The following GALNS variants were observed in gnomAD, a reference collection of about 807,000 sequenced individuals.
GALNS encodes N-acetylgalactosamine-6-sulfatase.
GALNS carries 65 observed loss-of-function variants against 65.9 expected under a neutral mutation model. The ratio of observed to expected loss-of-function variants is 0.99; its 90% CI spans 0.81 to 1.21. The LOEUF (loss-of-function observed/expected upper bound fraction) is 1.21. Ranked by LOEUF, GALNS falls within the 50% of genes most tolerant of loss-of-function variation. The pLI is 0.00. For synonymous variants in GALNS, 346 were observed against 288.9 expected (o/e 1.20, Z -2.00); for missense variants, 776 against 700.7 (o/e 1.11, Z -1.21).
intron 10 of GALNS, among the ~76,000 whole-genome samples, chr16:88,826,048 G>A (rs1910859551): frequency 6.6e-6 from 1 of 152,144 alleles, no homozygotes; most frequent in South Asian, 2.1e-4. Context: ...GCTGGGCCAT[G>A]GACTTGGCAG....
rs1483605375 is a variant in GALNS at position 88,825,331 on chromosome 16, C to T, written c.1140-462G>A. ...CGGGGCGACTGGGTATCTGGGGTGC[C>T]TGGGTGTCTGGGGCTGGGGTGTCTG... On this transcript the variant is annotated intron_variant, in intron 10 of 13. Transcript: ENST00000268695. Among the ~76,000 whole-genome samples, 9 of 107,606 alleles carry T rather than the reference C, an allele frequency of 8.4e-5. No homozygotes were observed. The South Asian group carries it at 1.8e-3, about 21-fold the overall frequency. The allele number at this position is 107,606 out of a possible 152,430, so 70.6% of individuals were successfully genotyped here.
chr16:88,835,820 T>C lies in GALNS; in HGVS notation c.663A>G (p.Ala221=). 1 of 1,614,136 alleles carries C rather than the reference T, an allele frequency of 6.2e-7. No individual in the cohort carries two copies. The highest frequency in any genetic ancestry group is 8.5e-7 in the Non-Finnish European group (1 of 1,180,018). The change falls in exon 7 of 14, where the codon GCA becomes GCG. Residue 221 remains alanine, a synonymous_variant. Coordinates refer to ENST00000268695, the MANE Select transcript of GALNS (RefSeq NM_000512.5). ...QEALDFIKRQ[A]RHHPFFLYWA... ...AGTAGAGGAAAAAGGGGTGGTGCCG[T>C]GCCTGTCTCTTAATGAAGTCCAGGG...
At chr16:88,837,535 T>G in intron 5 of GALNS, 87 bp downstream of exon 5, 18 of 1,413,784 alleles carry the variant, frequency 1.3e-5, no homozygotes, top group Non-Finnish European at 1.6e-5. Flanking sequence ...AGTGGCGACT[T>G]GAGCCCACCA....
chr16:88,816,733 C>T, intron 13 of GALNS: 1 of 985,484 alleles, frequency 1.0e-6, no homozygotes, highest in Non-Finnish European at 1.2e-6. Flanking sequence ...CTTCCCACGG[C>T]ACGGCGGGCA....
chr16:88,837,505 G>A (rs2143002229), intron 5 of GALNS, 117 bp downstream of exon 5: 4 of 1,091,418 alleles, frequency 3.7e-6, no homozygotes, highest in Non-Finnish European at 5.5e-6. Flanking sequence ...CGGGGACCCA[G>A]GGACAGACCA....
intron 1 of GALNS, among the ~76,000 whole-genome samples, chr16:88,852,040 G>A (rs1318122338): frequency 2.0e-5 from 3 of 152,202 alleles, no homozygotes; most frequent in Non-Finnish European, 1.5e-5. Flanking sequence ...CTCTGAGAAC[G>A]GACACATTGC....
chr16:88,847,268 G>A lies in GALNS; in HGVS notation c.121-4439C>T, dbSNP rs1372703491. Among the ~76,000 whole-genome samples the A allele has an allele frequency of 2.0e-5, 3 of 152,230 alleles. No individual in the cohort carries two copies. The East Asian group carries it at 5.8e-4, about 29-fold the overall frequency. ...CACCTGTAATCCCAGCTACTTGGGA[G>A]GCTGAGGCAGGAGAATCCCCTGAGC... On this transcript the variant is annotated intron_variant, in intron 1 of 13. Transcript: ENST00000268695.
At chr16:88,829,513 C>T (rs956788745) in intron 9 of GALNS, among the ~76,000 whole-genome samples, 1 of 152,222 alleles carries the variant, frequency 6.6e-6, no homozygotes, top group Non-Finnish European at 1.5e-5. Context: ...CCAGGAGTCC[C>T]ATGTCAGACA....
At position 88,816,846 on chromosome 16, in the gene GALNS, C is replaced by T. The variant is rs565658081; in HGVS notation, c.1482+1161G>A. 1.0e-4 allele frequency: 103 copies of T among 985,442 alleles called. No homozygotes were observed. The African/African-American group carries it at 1.7e-3, about 16-fold the overall frequency. 61.0% of individuals were successfully genotyped at this position (985,442 alleles called of 1,614,324 possible). A position where few individuals can be genotyped will look rare whatever the true frequency, so the allele number is the denominator to read the frequency against. Reference sequence around the variant, plus strand: ...AGCCCAGGCTGAAGTCTGCAGCTGCCGAGGGGCCTTCTTCCCGAATCCTGC... The same window carrying T: ...AGCCCAGGCTGAAGTCTGCAGCTGCTGAGGGGCCTTCTTCCCGAATCCTGC... On this transcript the variant is annotated intron_variant, in intron 13 of 13. Transcript: ENST00000268695.
At chr16:88,832,224 T>C in intron 8 of GALNS, 123 bp from the exon 9 acceptor site, 2 of 871,050 alleles carry the variant, frequency 2.3e-6, no homozygotes, top group Non-Finnish European at 3.8e-6. Context: ...GCACTCTGGC[T>C]GGAGTGCATG....
intron 1 of GALNS, among the ~76,000 whole-genome samples, chr16:88,853,909 C>T (rs372216001): frequency 4.1e-4 from 63 of 152,300 alleles, no homozygotes; most frequent in East Asian, 1.4e-3. Context: ...CTTCTGGTCC[C>T]GACTCTGGGG....
chr16:88,825,052 G>T (rs546700906), intron 10 of GALNS, among the ~76,000 whole-genome samples, 183 bp from the exon 11 acceptor site: 2 of 151,084 alleles, frequency 1.3e-5, no homozygotes, highest in African/African-American at 2.4e-5. Flanking sequence ...GTGCCTGGGC[G>T]GCCGGGGCTG....
At position 88,814,231 on chromosome 16, in the gene GALNS, T is replaced by C. The variant is rs1909398422; in HGVS notation, c.*208A>G. 1.5e-6 allele frequency: 1 copy of C among 671,766 alleles called. No individual in the cohort carries two copies. The highest frequency in any genetic ancestry group is 1.8e-5 in the South Asian group (1 of 56,414). The allele number at this position is 671,766 out of a possible 1,614,324, so 41.6% of individuals were successfully genotyped here. A position where few individuals can be genotyped will look rare whatever the true frequency, so the allele number is the denominator to read the frequency against. ...GTGGGCGAGGAGGAGGGTCCTGAAA[T>C]CTGAGGCGCCGTGGGCGAGGAGGAG... On this transcript the variant is annotated 3_prime_UTR_variant, in exon 14 of 14. Coordinates refer to ENST00000268695, the MANE Select transcript of GALNS (RefSeq NM_000512.5).
chr16:88,854,774 G>C (rs759707970), intron 1 of GALNS, among the ~76,000 whole-genome samples: 2 of 152,244 alleles, frequency 1.3e-5, no homozygotes, highest in African/African-American at 2.4e-5. Flanking sequence ...CTGGTCTGTC[G>C]ACTCAGGAGG....
rs551843693 is a variant in GALNS at position 88,854,081 on chromosome 16, A to AG, written c.120+2676dup. On this transcript the variant is annotated intron_variant, in intron 1 of 13. Coordinates refer to ENST00000268695, the MANE Select transcript of GALNS (RefSeq NM_000512.5). ...ACTGCCCAGCCACAGAGGACTGGAT[A>AG]GGGGGAGACTGGGCTGGAGGCAGCC... is the stretch of plus-strand genomic sequence containing the variant. 1.4e-4 allele frequency among the ~76,000 whole-genome samples: 21 copies of AG among 152,324 alleles called. 1 individual carries two copies. Among genetic ancestry groups the AG allele is most frequent in the Admixed American group, 1.3e-3 (20 of 15,304 alleles).
intron 1 of GALNS, among the ~76,000 whole-genome samples, chr16:88,848,059 A>G (rs1967332949): frequency 6.6e-6 from 1 of 152,206 alleles, no homozygotes; most frequent in South Asian, 2.1e-4. Context: ...GTGAAGCCCA[A>G]AAACCCTGTG....
At chr16:88,815,319 G>A in intron 13 of GALNS, 1 of 985,478 alleles carries the variant, frequency 1.0e-6, no homozygotes, top group Non-Finnish European at 1.2e-6. Flanking sequence ...GTCCTCCCAG[G>A]AGGGCCCACC....
intron 9 of GALNS, chr16:88,827,088 G>A: frequency 1.7e-6 from 1 of 586,302 alleles, no homozygotes; most frequent in South Asian, 2.0e-5. Flanking sequence ...CTGCCTCTGT[G>A]GATCAGATGA....
At chr16:88,815,662 C>G in intron 13 of GALNS, 1 of 985,482 alleles carries the variant, frequency 1.0e-6, no homozygotes, top group South Asian at 4.7e-5. Flanking sequence ...GCCCTGAGGG[C>G]ACTTTCCGGG....
Sources: allele counts gnomAD v4.1 joint callset (sites outside exome capture counted in the v4.1 genomes callset), GRCh38; gene constraint gnomAD v4.1.1; transcripts MANE v1.5; gene names NCBI Gene and HGNC (gene_info 2026-07-23, HGNC 2026-07-21).